RAD51B: variants seen among roughly 807,000 people sequenced by gnomAD.
The protein encoded by RAD51B is DNA repair protein RAD51 homolog 2.
RAD51B carries 38 observed loss-of-function variants against 42.2 expected under a neutral mutation model. That is an observed-to-expected ratio of 0.90 (90% CI 0.70 to 1.18). RAD51B has a LOEUF of 1.18. Among genes scored for constraint, RAD51B ranks in the 50% most tolerant of loss-of-function variants. The pLI is 0.00. For synonymous variants in RAD51B, 154 were observed against 145.2 expected (o/e 1.06, Z -0.43); for missense variants, 373 against 400.7 (o/e 0.93, Z 0.59).
intron 7 of RAD51B, among the ~76,000 whole-genome samples, chr14:67,945,691 G>A (rs1187113067): frequency 2.6e-5 from 4 of 151,878 alleles, no homozygotes; most frequent in Non-Finnish European, 5.9e-5. Flanking sequence ...GGCTGGTTTC[G>A]AACTCCTGAC....
intron 10 of RAD51B, among the ~76,000 whole-genome samples, chr14:68,591,327 A>G (rs995536386): frequency 1.3e-5 from 2 of 152,216 alleles, no homozygotes; most frequent in African/African-American, 2.4e-5. Flanking sequence ...TGCGCTGAAC[A>G]ACAGCCATCC....
chr14:68,031,057 T>C (rs2076033452), intron 7 of RAD51B, among the ~76,000 whole-genome samples: 1 of 152,220 alleles, frequency 6.6e-6, no homozygotes, highest in Non-Finnish European at 1.5e-5. Flanking sequence ...AGATTACATC[T>C]GTATTAGTCC....
At chr14:68,268,937 A>G (rs928694581) in intron 7 of RAD51B, among the ~76,000 whole-genome samples, 1 of 152,106 alleles carries the variant, frequency 6.6e-6, no homozygotes, top group Admixed American at 6.5e-5. Flanking sequence ...TTCAGATTCA[A>G]CTATAGCAGC....
chr14:68,371,296 A>G (rs986147008), intron 8 of RAD51B, among the ~76,000 whole-genome samples: 29 of 152,194 alleles, frequency 1.9e-4, no homozygotes, highest in African/African-American at 6.7e-4. Flanking sequence ...AGGTAGGCAG[A>G]TCACAAGGTC....
intron 11 of RAD51B, among the ~76,000 whole-genome samples, chr14:68,656,302 G>T (rs1215302727): frequency 2.0e-5 from 3 of 152,182 alleles, no homozygotes; most frequent in African/African-American, 7.2e-5. Flanking sequence ...CCCACCCACA[G>T]AGATGACTAT....
intron 10 of RAD51B, among the ~76,000 whole-genome samples, chr14:68,520,946 G>A (rs1210650316): frequency 6.6e-6 from 1 of 152,260 alleles, no homozygotes; most frequent in East Asian, 1.9e-4. Flanking sequence ...AGACCAGGCT[G>A]ATGGAGTTTT....
At chr14:68,031,583 A>G (rs1330438132) in intron 7 of RAD51B, among the ~76,000 whole-genome samples, 2 of 152,184 alleles carry the variant, frequency 1.3e-5, no homozygotes, top group East Asian at 3.9e-4. Flanking sequence ...TTGTTAAAAT[A>G]CCAGAGAGGC....
intron 7 of RAD51B, among the ~76,000 whole-genome samples, chr14:67,993,875 A>G (rs977033321): frequency 3.9e-5 from 6 of 152,192 alleles, no homozygotes; most frequent in Non-Finnish European, 5.9e-5. Context: ...CTCTAAAGAC[A>G]AGTATAAAAG....
intron 7 of RAD51B, among the ~76,000 whole-genome samples, chr14:68,121,845 A>G (rs1234023886): frequency 2.0e-5 from 3 of 152,112 alleles, no homozygotes; most frequent in African/African-American, 4.8e-5. Context: ...AAATGTATTA[A>G]GCTACAATAA....
chr14:68,514,532 A>T lies in RAD51B; in HGVS notation c.1036+46282A>T, dbSNP rs747904878. On this transcript the variant is annotated intron_variant, in intron 10 of 10. Transcript: ENST00000487270. ...GCTCCAGGCCCCGGCTTCCCTGGCT[A>T]AAAGTTCCTCCTGTGGGCGCGGCTC... Among the ~76,000 whole-genome samples, 88 of 152,334 alleles carry T rather than the reference A, an allele frequency of 5.8e-4. 1 individual carries two copies. Among genetic ancestry groups the T allele is most frequent in the Non-Finnish European group, 4.1e-4 (28 of 68,030 alleles).
chr14:68,359,574 T>C (rs1160675574), intron 8 of RAD51B, among the ~76,000 whole-genome samples: 1 of 152,176 alleles, frequency 6.6e-6, no homozygotes, highest in Non-Finnish European at 1.5e-5. Flanking sequence ...CCAGACCAGA[T>C]CAGCAGCCAT....
intron 7 of RAD51B, among the ~76,000 whole-genome samples, chr14:68,167,715 T>C (rs2078782405): frequency 6.6e-6 from 1 of 152,170 alleles, no homozygotes; most frequent in Non-Finnish European, 1.5e-5. Flanking sequence ...GGAATACTCC[T>C]GTAACCACTA....
chr14:68,032,713 A>G (rs1179291035), intron 7 of RAD51B, among the ~76,000 whole-genome samples: 1 of 152,176 alleles, frequency 6.6e-6, no homozygotes. Context: ...CATACTCCAC[A>G]CTATAGATAG....
At chr14:68,005,439 G>A (rs1479750280) in intron 7 of RAD51B, among the ~76,000 whole-genome samples, 1 of 152,106 alleles carries the variant, frequency 6.6e-6, no homozygotes, top group African/African-American at 2.4e-5. Flanking sequence ...GGACTTATTT[G>A]CACATTTCTT....
At chr14:68,142,982 G>A (rs1216306106) in intron 7 of RAD51B, among the ~76,000 whole-genome samples, 1 of 147,840 alleles carries the variant, frequency 6.8e-6, no homozygotes, top group African/African-American at 2.5e-5. Context: ...GCAAGACTCT[G>A]TCTCAAGGAA....
intron 9 of RAD51B, among the ~76,000 whole-genome samples, chr14:68,426,026 TTCTC>T (rs1457896725): frequency 8.2e-5 from 12 of 146,202 alleles, no homozygotes; most frequent in African/African-American, 2.8e-4. Flanking sequence ...CTTTCTTTCT[TTCTC>T]TCTTTCTTTC....
At chr14:68,052,413 C>T (rs1019658330) in intron 7 of RAD51B, among the ~76,000 whole-genome samples, 2 of 151,560 alleles carry the variant, frequency 1.3e-5, no homozygotes, top group African/African-American at 4.9e-5. Flanking sequence ...GAAACTTACC[C>T]GTAAGAGCAT....
intron 8 of RAD51B, among the ~76,000 whole-genome samples, chr14:68,405,796 C>T (rs931278326): frequency 5.7e-5 from 8 of 140,678 alleles, no homozygotes; most frequent in African/African-American, 2.2e-4. Context: ...CTGTGTCTTC[C>T]TTTAGACCCG....
At chr14:67,890,362 T>G (rs2043181086) in intron 7 of RAD51B, among the ~76,000 whole-genome samples, 2 of 152,070 alleles carry the variant, frequency 1.3e-5, no homozygotes, top group South Asian at 4.1e-4. Flanking sequence ...TGAGAGATCT[T>G]TTAGCTGCCA....
Sources: gnomAD v4.1 joint callset for allele counts (sites outside exome capture counted in the v4.1 genomes callset) on GRCh38, gnomAD v4.1.1 for gene constraint, MANE v1.5 for transcripts, NCBI Gene and HGNC (gene_info 2026-07-23, HGNC 2026-07-21) for gene names.